Variants in ATP10A observed in about 807,000 individuals in gnomAD.
The protein encoded by ATP10A is phospholipid-transporting ATPase VA.
ATP10A carries 111 observed loss-of-function variants against 147.8 expected under a neutral mutation model. That is an observed-to-expected ratio of 0.75 (90% CI 0.64 to 0.88). The LOEUF is 0.88. Among genes scored for constraint, ATP10A ranks in the 40% least tolerant of loss-of-function variants. ATP10A has a pLI of 0.00. For missense variants in ATP10A, 1,927 were observed against 1,959.0 expected, an observed-to-expected ratio of 0.98 and a Z score of 0.31; for synonymous variants, 875 against 841.6, an observed-to-expected ratio of 1.04 and a Z score of -0.69.
chr15:25,687,194 C>T (rs1899737162), intron 16 of ATP10A, among the ~76,000 whole-genome samples: 1 of 46,424 alleles, frequency 2.2e-5, no homozygotes, highest in Admixed American at 2.3e-4. Flanking sequence ...ATTCTGATCC[C>T]AGACCACAAA....
intron 1 of ATP10A, among the ~76,000 whole-genome samples, chr15:25,826,214 G>A (rs1159578998): frequency 1.3e-5 from 2 of 152,100 alleles, no homozygotes; most frequent in Non-Finnish European, 2.9e-5. Flanking sequence ...TATGAATAAT[G>A]GGAGTCCCAG....
In ATP10A at chr15:25,702,093, A is replaced by T. The variant is rs1433338957; in HGVS notation, c.2583T>A (p.Thr861=). The T allele has an allele frequency of 5.0e-6, 8 of 1,611,210 alleles. No homozygotes were observed. The Admixed American group carries it at 5.0e-5, about 10-fold the overall frequency. Residue 861 remains threonine (T), a synonymous_variant, in exon 13 of 21, where the codon ACT becomes ACA. Transcript: ENST00000555815. Reference sequence around the variant, plus strand: ...CGTCCTGCAGGCGGTCTTCAATCCCAGTGGCACCTGGTCAAATGCACAGCA... The same window carrying T: ...CGTCCTGCAGGCGGTCTTCAATCCCTGTGGCACCTGGTCAAATGCACAGCA... The part of the protein sequence containing the change: ...LETNLHLLGA[T]GIEDRLQDGV...
intron 2 of ATP10A, among the ~76,000 whole-genome samples, chr15:25,753,333 A>G (rs1888249201): frequency 6.6e-6 from 1 of 152,164 alleles, no homozygotes; most frequent in African/African-American, 2.4e-5. Context: ...AAGTGAGTAC[A>G]TGAGATACTT....
chr15:25,682,392 G>C (rs1043899625), intron 17 of ATP10A, among the ~76,000 whole-genome samples: 1 of 152,142 alleles, frequency 6.6e-6, no homozygotes, highest in Admixed American at 6.5e-5. Context: ...ATTTGACCCT[G>C]CCAAGTACCA....
At chr15:25,736,748 G>T (rs566055924) in intron 2 of ATP10A, among the ~76,000 whole-genome samples, 12 of 152,286 alleles carry the variant, frequency 7.9e-5, no homozygotes, top group Admixed American at 2.0e-4. Context: ...GCTTAGGAGT[G>T]GGGGGAAGGA....
chr15:25,771,387 T>C (rs905806803), intron 2 of ATP10A, among the ~76,000 whole-genome samples: 7 of 152,116 alleles, frequency 4.6e-5, no homozygotes, highest in Non-Finnish European at 8.8e-5. Context: ...CTGAGCAACA[T>C]AGTGAGACCT....
chr15:25,688,741 G>A (rs933826208), intron 15 of ATP10A, among the ~76,000 whole-genome samples: 2 of 152,170 alleles, frequency 1.3e-5, no homozygotes, highest in Admixed American at 6.5e-5. Flanking sequence ...CAAGTGGTAC[G>A]CTTGAAATGG....
chr15:25,713,563 T>C, intron 10 of ATP10A, 111 bp downstream of exon 10: 1 of 1,140,522 alleles, frequency 8.8e-7, no homozygotes, highest in East Asian at 2.6e-5. Context: ...GGCATTTCTG[T>C]TGGAAAAGGA....
intron 1 of ATP10A, among the ~76,000 whole-genome samples, chr15:25,827,679 G>C (rs73372820): frequency 0.011 from 1,618 of 152,192 alleles, 32 homozygotes; most frequent in African/African-American, 0.037. Context: ...GATAAAAATG[G>C]CACACAAGCA....
At chr15:25,802,427 C>T (rs1157029155) in intron 1 of ATP10A, among the ~76,000 whole-genome samples, 3 of 92,918 alleles carry the variant, frequency 3.2e-5, no homozygotes, top group Non-Finnish European at 7.1e-5. Context: ...GTGTTGTGTT[C>T]CGACCACTAG....
At chr15:25,732,419 A>G (rs1361255512) in intron 3 of ATP10A, among the ~76,000 whole-genome samples, 1 of 151,658 alleles carries the variant, frequency 6.6e-6, no homozygotes, top group Non-Finnish European at 1.5e-5. Context: ...CATTTTCATC[A>G]CCCTAAAAAT....
intron 1 of ATP10A, among the ~76,000 whole-genome samples, chr15:25,786,695 G>C (rs544595152): frequency 7.9e-6 from 1 of 126,450 alleles, no homozygotes; most frequent in African/African-American, 3.1e-5. Flanking sequence ...GCGTGATCTC[G>C]GCTCACTGCA....
rs115015741 is a variant in ATP10A, at chr15:25,698,612, T to C, written c.2760+3304A>G. 6.6e-3 allele frequency among the ~76,000 whole-genome samples: 1,006 copies of C among 152,302 alleles called. 17 individuals carry two copies. Among genetic ancestry groups the C allele is most frequent in the African/African-American group, 0.023 (942 of 41,562 alleles). On this transcript the variant is annotated intron_variant, in intron 13 of 20. Transcript: ENST00000555815. Reference sequence around the variant, plus strand: ...TGGATTTTTGACTACATGGAGGGATTGGTATCCCTAACCCCTACGTGTTCA... The same window carrying C: ...TGGATTTTTGACTACATGGAGGGATCGGTATCCCTAACCCCTACGTGTTCA...
At chr15:25,779,845 A>AAC (rs56111172) in intron 2 of ATP10A, among the ~76,000 whole-genome samples, 7,594 of 147,260 alleles carry the variant, frequency 0.052, 236 homozygotes, top group Non-Finnish European at 0.066. Context: ...AGAAGGTTAA[A>AAC]ACACACACAC....
At chr15:25,824,565 T>C (rs1892033413) in intron 1 of ATP10A, among the ~76,000 whole-genome samples, 2 of 150,184 alleles carry the variant, frequency 1.3e-5, no homozygotes. Flanking sequence ...GTGTGTTTTT[T>C]TTTTTTTTTG....
chr15:25,690,608 C>T (rs1422263582), intron 15 of ATP10A, among the ~76,000 whole-genome samples: 4 of 152,186 alleles, frequency 2.6e-5, no homozygotes, highest in Non-Finnish European at 5.9e-5. Flanking sequence ...TGTCACAAAT[C>T]TCCAAAAAAT....
At chr15:25,766,140 A>G (rs1360601605) in intron 2 of ATP10A, among the ~76,000 whole-genome samples, 1 of 152,032 alleles carries the variant, frequency 6.6e-6, no homozygotes, top group Non-Finnish European at 1.5e-5. Context: ...CCCCTCATAA[A>G]CCCATCAGGT....
intron 2 of ATP10A, among the ~76,000 whole-genome samples, chr15:25,771,654 AG>A (rs1343950949): frequency 6.6e-6 from 1 of 152,140 alleles, no homozygotes; most frequent in Admixed American, 6.5e-5. Context: ...GAAGTCTCAC[AG>A]GAAAGTGACC....
intron 13 of ATP10A, 152 bp downstream of exon 13, chr15:25,701,764 C>A (rs1054273278): frequency 1.6e-5 from 11 of 698,892 alleles, no homozygotes; most frequent in Non-Finnish European, 2.5e-5. Context: ...TTTACCTCTT[C>A]CAAGGCAATA....
Sources: gnomAD v4.1 joint callset for allele counts (sites outside exome capture counted in the v4.1 genomes callset) on GRCh38, gnomAD v4.1.1 for gene constraint, MANE v1.5 for transcripts, NCBI Gene and HGNC (gene_info 2026-07-23, HGNC 2026-07-21) for gene names.